KHDRBS2: variants seen among roughly 807,000 people sequenced by gnomAD.
KHDRBS2 encodes KH domain-containing, RNA-binding, signal transduction-associated protein 2.
Under a neutral mutation model 44.3 loss-of-function variants are expected in KHDRBS2, and 26 were observed. The ratio of observed to expected loss-of-function variants is 0.59; its 90% CI spans 0.43 to 0.81. The LOEUF (loss-of-function observed/expected upper bound fraction) is 0.81, where lower values mean the gene tolerates loss of function less well. KHDRBS2 is among the 40% of genes least tolerant of loss of function. The pLI is 0.00. For synonymous variants in KHDRBS2, 194 were observed against 151.1 expected (o/e 1.28, Z -2.08); for missense variants, 476 against 433.1 (o/e 1.10, Z -0.88).
chr6:62,179,861 T>A (rs570659228), intron 1 of KHDRBS2, among the ~76,000 whole-genome samples: 11 of 151,918 alleles, frequency 7.2e-5, no homozygotes, highest in African/African-American at 2.6e-4. Flanking sequence ...CTGAAGTTTT[T>A]TGGTATTATT....
At chr6:61,725,466 G>A (rs1773397094) in intron 7 of KHDRBS2, among the ~76,000 whole-genome samples, 1 of 152,002 alleles carries the variant, frequency 6.6e-6, no homozygotes, top group Non-Finnish European at 1.5e-5. Flanking sequence ...AATGGAGATA[G>A]AGACATGAAA....
chr6:62,124,005 C>A (rs1351280209), intron 2 of KHDRBS2, among the ~76,000 whole-genome samples: 1 of 152,104 alleles, frequency 6.6e-6, no homozygotes, highest in African/African-American at 2.4e-5. Flanking sequence ...TATACTTGCC[C>A]TTTTCATTGT....
At chr6:61,558,285 G>A in the KHDRBS2 span, among the ~76,000 whole-genome samples, 2 of 152,010 alleles carry the variant, frequency 1.3e-5, no homozygotes, top group Non-Finnish European at 2.9e-5. Flanking sequence ...TCCTTGGCTG[G>A]GTGCAGTGGC....
At chr6:62,163,977 T>G (rs1429411883) in intron 2 of KHDRBS2, among the ~76,000 whole-genome samples, 1 of 151,996 alleles carries the variant, frequency 6.6e-6, no homozygotes, top group African/African-American at 2.4e-5. Flanking sequence ...AGTTTTAGAC[T>G]ATGCTCTTAA....
At chr6:62,058,176 T>A (rs1392359925) in intron 2 of KHDRBS2, among the ~76,000 whole-genome samples, 1 of 151,872 alleles carries the variant, frequency 6.6e-6, no homozygotes, top group Non-Finnish European at 1.5e-5. Flanking sequence ...CTCTTTCACT[T>A]TTTATGGGCA....
chr6:61,655,197 T>A, the KHDRBS2 span, among the ~76,000 whole-genome samples: 6 of 150,084 alleles, frequency 4.0e-5, no homozygotes, highest in Admixed American at 6.7e-5. Context: ...AACACTAGGT[T>A]CTTAGAACGT....
Position 61,691,899 on chromosome 6 carries a change from T to C in KHDRBS2, c.952+5296A>G, listed in dbSNP as rs531590842. Among the ~76,000 whole-genome samples, 24 of 152,288 alleles carry C rather than the reference T, an allele frequency of 1.6e-4. 1 individual carries two copies. The highest frequency in any genetic ancestry group is 5.5e-4 in the African/African-American group (23 of 41,590). On this transcript the variant is annotated intron_variant, in intron 8 of 8. Coordinates refer to ENST00000281156, the MANE Select transcript of KHDRBS2 (RefSeq NM_152688.4). Reference sequence around the variant, plus strand: ...TAGAATATGGCACAAAATTTCTTTTTGCTTTCATTCATTTCAAGATAGTGT... The same window carrying C: ...TAGAATATGGCACAAAATTTCTTTTCGCTTTCATTCATTTCAAGATAGTGT...
chr6:61,793,209 A>T (rs1321026358), intron 6 of KHDRBS2, among the ~76,000 whole-genome samples: 2 of 152,018 alleles, frequency 1.3e-5, no homozygotes, highest in Non-Finnish European at 2.9e-5. Flanking sequence ...GAAAAAAAGG[A>T]AAATCTGAAA....
At chr6:62,172,708 A>G (rs1820288420) in intron 2 of KHDRBS2, among the ~76,000 whole-genome samples, 1 of 150,976 alleles carries the variant, frequency 6.6e-6, no homozygotes, top group Non-Finnish European at 1.5e-5. Context: ...GAAAAAAAAA[A>G]AAAAAAAAAA....
chr6:61,978,634 C>T (rs1220822966), intron 3 of KHDRBS2, among the ~76,000 whole-genome samples: 1 of 151,962 alleles, frequency 6.6e-6, no homozygotes, highest in Non-Finnish European at 1.5e-5. Context: ...AACTTTCTAG[C>T]CACTTTTTGA....
chr6:61,878,153 G>C (rs1340643145), intron 6 of KHDRBS2, among the ~76,000 whole-genome samples: 1 of 151,808 alleles, frequency 6.6e-6, no homozygotes, highest in African/African-American at 2.4e-5. Context: ...AACTTCCAAT[G>C]AGGCTTCCTC....
At chr6:61,934,903 A>T (rs987180537) in intron 4 of KHDRBS2, among the ~76,000 whole-genome samples, 2 of 152,140 alleles carry the variant, frequency 1.3e-5, no homozygotes, top group African/African-American at 4.8e-5. Flanking sequence ...CTTTAGGGAA[A>T]CTGGAGTGAT....
intron 2 of KHDRBS2, among the ~76,000 whole-genome samples, chr6:62,130,952 A>T (rs1272827740): frequency 6.6e-6 from 1 of 152,102 alleles, no homozygotes; most frequent in Non-Finnish European, 1.5e-5. Context: ...ATTATAAGTC[A>T]AACCATTGCA....
chr6:61,731,354 T>G (rs762161937), intron 7 of KHDRBS2, among the ~76,000 whole-genome samples: 1 of 152,076 alleles, frequency 6.6e-6, no homozygotes, highest in Non-Finnish European at 1.5e-5. Flanking sequence ...TCTATTTAGC[T>G]TACTAGAAAT....
chr6:62,242,251 A>G (rs1834796282), intron 1 of KHDRBS2, among the ~76,000 whole-genome samples: 3 of 152,114 alleles, frequency 2.0e-5, no homozygotes, highest in Non-Finnish European at 2.9e-5. Flanking sequence ...CATTCTATCT[A>G]TATCAGCCTA....
intron 6 of KHDRBS2, among the ~76,000 whole-genome samples, chr6:61,810,132 T>C (rs573255163): frequency 9.9e-5 from 15 of 152,226 alleles, no homozygotes; most frequent in African/African-American, 3.4e-4. Flanking sequence ...GGTTTCTCAG[T>C]GTGACTGTGA....
At chr6:61,817,396 T>C (rs1278514707) in intron 6 of KHDRBS2, among the ~76,000 whole-genome samples, 1 of 152,062 alleles carries the variant, frequency 6.6e-6, no homozygotes, top group Admixed American at 6.6e-5. Context: ...TGCTGTACCA[T>C]AGAAGAATGG....
chr6:62,285,740 G>T (rs1842394473), intron 1 of KHDRBS2, 118 bp downstream of exon 1: 2 of 668,224 alleles, frequency 3.0e-6, no homozygotes, highest in African/African-American at 1.8e-5. Context: ...GCATCTTCAG[G>T]GGGACAGTTT....
intron 6 of KHDRBS2, among the ~76,000 whole-genome samples, chr6:61,787,473 A>G (rs1310261895): frequency 2.0e-5 from 3 of 151,796 alleles, no homozygotes; most frequent in Admixed American, 2.0e-4. Flanking sequence ...CATCACAAAT[A>G]AAAACCGTGG....
Sources: allele counts gnomAD v4.1 joint callset (sites outside exome capture counted in the v4.1 genomes callset), GRCh38; gene constraint gnomAD v4.1.1; transcripts MANE v1.5; gene names NCBI Gene and HGNC (gene_info 2026-07-23, HGNC 2026-07-21).